Variants in GUCY1A2 observed in about 807,000 individuals in gnomAD.
GUCY1A2 encodes guanylate cyclase 1 soluble subunit alpha 2.
GUCY1A2 carries 27 observed loss-of-function variants against 63.5 expected under a neutral mutation model. The observed-to-expected ratio is 0.43, with a 90% CI of 0.31 to 0.59. The LOEUF (loss-of-function observed/expected upper bound fraction) is 0.59, where lower values mean the gene tolerates loss of function less well. Among genes scored for constraint, GUCY1A2 ranks in the 20% least tolerant of loss-of-function variants. GUCY1A2 has a pLI of 0.11. For missense variants in GUCY1A2, 768 were observed against 913.3 expected (o/e 0.84, Z 2.05); for synonymous variants, 364 against 343.5 (o/e 1.06, Z -0.66).
chr11:106,923,527 C>T (rs1233126233), intron 4 of GUCY1A2, among the ~76,000 whole-genome samples: 1 of 152,124 alleles, frequency 6.6e-6, no homozygotes, highest in Admixed American at 6.5e-5. Context: ...CACACATCCC[C>T]GTAAACATGC....
intron 6 of GUCY1A2, among the ~76,000 whole-genome samples, chr11:106,711,601 G>A (rs1212799237): frequency 6.6e-6 from 1 of 152,024 alleles, no homozygotes; most frequent in Non-Finnish European, 1.5e-5. Flanking sequence ...CCAACTCATG[G>A]GATGTGGAAA....
Position 106,674,609 on chromosome 11 carries a change from GC to G in GUCY1A2, c.*12939del, listed in dbSNP as rs1862314988. ...TTCAAAATATATGCAATTTAATCAT[GC>G]CCTACATATATATTAGTATATTTAC... On this transcript the variant is annotated 3_prime_UTR_variant, in exon 8 of 8. Transcript: ENST00000526355. 1 of 185,998 alleles carries G rather than the reference GC, an allele frequency of 5.4e-6. No individual in the cohort carries two copies. 11.5% of individuals were successfully genotyped at this position (185,998 alleles called of 1,614,324 possible). A position where few individuals can be genotyped will look rare whatever the true frequency, so the allele number is the denominator to read the frequency against.
intron 1 of GUCY1A2, among the ~76,000 whole-genome samples, chr11:106,993,769 G>A (rs1025607261): frequency 1.3e-5 from 2 of 152,134 alleles, no homozygotes; most frequent in African/African-American, 2.4e-5. Flanking sequence ...TTAAGCACTC[G>A]TAAATACAGA....
intron 4 of GUCY1A2, among the ~76,000 whole-genome samples, chr11:106,851,962 T>C (rs763886753): frequency 6.6e-6 from 1 of 152,044 alleles, no homozygotes; most frequent in Non-Finnish European, 1.5e-5. Flanking sequence ...TTTAACATTA[T>C]TAATTCTTCC....
Position 106,776,427 on chromosome 11 carries a change from T to A in GUCY1A2, c.1836+12A>T, listed in dbSNP as rs185565016. ...GCACTTACTACTCAAACTAGATTGT[T>A]GGGAGGGTTACCTGAATCGGTCTTC... On this transcript the variant is annotated intron_variant, in intron 6 of 7. Coordinates refer to ENST00000526355, the MANE Select transcript of GUCY1A2 (RefSeq NM_000855.3). The A allele has an allele frequency of 1.6e-5, 25 of 1,609,408 alleles. No individual in the cohort carries two copies. Among genetic ancestry groups the A allele is most frequent in the Non-Finnish European group, 2.0e-5 (24 of 1,175,842 alleles).
chr11:106,942,518 C>A (rs2119985367), intron 3 of GUCY1A2, among the ~76,000 whole-genome samples: 1 of 147,824 alleles, frequency 6.8e-6, no homozygotes, highest in East Asian at 2.0e-4. Context: ...ATAAACTGAC[C>A]ATATATGCTG....
chr11:106,787,212 T>C (rs77517927), intron 5 of GUCY1A2, among the ~76,000 whole-genome samples: 3,458 of 151,972 alleles, frequency 0.023, 130 homozygotes, highest in African/African-American at 0.079. Context: ...TTTTTTACTA[T>C]AGTCATCCTG....
intron 1 of GUCY1A2, among the ~76,000 whole-genome samples, chr11:107,010,932 G>T (rs1861734850): frequency 6.6e-6 from 1 of 151,936 alleles, no homozygotes; most frequent in South Asian, 2.1e-4. Context: ...GTTTCACCAT[G>T]TTGGCCAGGC....
intron 4 of GUCY1A2, among the ~76,000 whole-genome samples, chr11:106,838,036 C>T (rs180869353): frequency 1.3e-5 from 2 of 152,034 alleles, no homozygotes; most frequent in African/African-American, 4.8e-5. Context: ...GAAAAATGTG[C>T]TTTTCTCCAA....
chr11:106,706,253 A>G (rs1183067498), intron 7 of GUCY1A2, among the ~76,000 whole-genome samples: 1 of 152,122 alleles, frequency 6.6e-6, no homozygotes, highest in Non-Finnish European at 1.5e-5. Context: ...TAAAATAGAG[A>G]TTTCAAACTC....
At chr11:106,713,496 C>CTTTTT (rs143909145) in intron 6 of GUCY1A2, among the ~76,000 whole-genome samples, 5 of 78,394 alleles carry the variant, frequency 6.4e-5, no homozygotes, top group African/African-American at 1.1e-4. Context: ...TAGTATGTTT[C>CTTTTT]TTTTTTTTTT....
intron 4 of GUCY1A2, among the ~76,000 whole-genome samples, chr11:106,898,205 C>G (rs1860078217): frequency 6.6e-6 from 1 of 152,118 alleles, no homozygotes; most frequent in Non-Finnish European, 1.5e-5. Flanking sequence ...CAAATGCTGA[C>G]AAGGGTAGGC....
chr11:106,709,897 C>T (rs1203873442), intron 6 of GUCY1A2, among the ~76,000 whole-genome samples: 3 of 1,620 alleles, frequency 1.9e-3, no homozygotes, highest in African/African-American at 4.2e-3. Context: ...ATTATATACA[C>T]GTATAGAATA....
intron 6 of GUCY1A2, among the ~76,000 whole-genome samples, chr11:106,735,261 C>T (rs978175988): frequency 2.6e-4 from 39 of 152,014 alleles, no homozygotes; most frequent in Admixed American, 2.4e-3. Flanking sequence ...ATTGTTGTAC[C>T]GATTAGCCAA....
intron 4 of GUCY1A2, among the ~76,000 whole-genome samples, chr11:106,839,892 G>T (rs1231391828): frequency 1.3e-5 from 2 of 150,904 alleles, no homozygotes; most frequent in African/African-American, 4.9e-5. Flanking sequence ...ATAGCATTAG[G>T]AGATATACCT....
chr11:106,951,311 C>T (rs111701517), intron 3 of GUCY1A2, among the ~76,000 whole-genome samples: 25,500 of 152,164 alleles, frequency 0.17, 2,250 homozygotes, highest in South Asian at 0.26. Context: ...CTTGAGGAAT[C>T]GCCACACTGT....
chr11:106,716,816 T>C, intron 6 of GUCY1A2, among the ~76,000 whole-genome samples: 1 of 145,062 alleles, frequency 6.9e-6, no homozygotes, highest in East Asian at 2.0e-4. Context: ...ATCTCAGGAA[T>C]TATAAGAGAG....
chr11:106,777,445 C>T (rs1055455797), intron 5 of GUCY1A2, among the ~76,000 whole-genome samples: 2 of 91,402 alleles, frequency 2.2e-5, no homozygotes, highest in Non-Finnish European at 4.3e-5. Flanking sequence ...GACTTGGTCT[C>T]AAAAAAAAAA....
intron 4 of GUCY1A2, among the ~76,000 whole-genome samples, chr11:106,855,013 G>T (rs546981742): frequency 6.6e-6 from 1 of 152,280 alleles, no homozygotes; most frequent in South Asian, 2.1e-4. Flanking sequence ...GAATACAGGG[G>T]TTATAAGTGG....
Sources: allele counts gnomAD v4.1 joint callset (sites outside exome capture counted in the v4.1 genomes callset), GRCh38; gene constraint gnomAD v4.1.1; transcripts MANE v1.5; gene names NCBI Gene and HGNC (gene_info 2026-07-23, HGNC 2026-07-21).